Variants in ATP1A4 observed in about 807,000 individuals in gnomAD.
ATP1A4 encodes sodium/potassium-transporting ATPase subunit alpha-4.
ATP1A4 carries 90 observed loss-of-function variants against 114.3 expected under a neutral mutation model. That is an observed-to-expected ratio of 0.79 (90% confidence interval 0.66 to 0.94). The LOEUF is 0.94. Among genes scored for constraint, ATP1A4 ranks in the 40% least tolerant of loss-of-function variants. The probability of loss-of-function intolerance (pLI) is 0.00; values close to 1 mark genes in which losing one functional copy is unlikely to be tolerated. For missense variants in ATP1A4, 1,222 were observed against 1,313.6 expected, an observed-to-expected ratio of 0.93 and a Z score of 1.08; for synonymous variants, 511 against 494.1, an observed-to-expected ratio of 1.03 and a Z score of -0.45.
rs1232548841 is a variant in ATP1A4 at position 160,171,579 on chromosome 1, C to T, written c.1682-6C>T. 1 of 1,613,064 alleles carries T rather than the reference C, an allele frequency of 6.2e-7. No homozygotes were observed. Among genetic ancestry groups the T allele is most frequent in the South Asian group, 1.1e-5 (1 of 90,888 alleles). On this transcript the variant is annotated splice_region_variant and splice_polypyrimidine_tract_variant and intron_variant, in intron 11 of 21. Coordinates refer to ENST00000368081, the MANE Select transcript of ATP1A4 (RefSeq NM_144699.4). ...ACTACTGGTCCCTCCCTCTGTCTCTCTCCAGGCTTCTGCTTCTTGAATCTG... is the reference window on the plus strand; with the variant it reads ...ACTACTGGTCCCTCCCTCTGTCTCTTTCCAGGCTTCTGCTTCTTGAATCTG...
intron 10 of ATP1A4, 199 bp from the exon 11 acceptor site, chr1:160,171,052 T>C (rs1653235345): frequency 2.0e-6 from 1 of 502,010 alleles, no homozygotes; most frequent in Non-Finnish European, 3.5e-6. Flanking sequence ...CCTGTGCAAA[T>C]AATACCAGGC....
chr1:160,159,176 G>T (rs1652781079), intron 5 of ATP1A4, 40 bp downstream of exon 5: 3 of 1,600,508 alleles, frequency 1.9e-6, no homozygotes, highest in African/African-American at 2.7e-5. Flanking sequence ...ACCCAAGCGT[G>T]ATCTCATGGC....
intron 6 of ATP1A4, 104 bp from the exon 7 acceptor site, chr1:160,164,052 A>T: frequency 7.0e-7 from 1 of 1,423,840 alleles, no homozygotes; most frequent in Non-Finnish European, 9.5e-7. Flanking sequence ...CCCTATCTTT[A>T]AGGGTTTTTA....
chr1:160,175,205 TAC>T (rs1386943429), intron 15 of ATP1A4, among the ~76,000 whole-genome samples: 1 of 152,098 alleles, frequency 6.6e-6, no homozygotes. Flanking sequence ...TGAGCCCAAT[TAC>T]ACACCCTCTT....
In ATP1A4 at chr1:160,164,181, T is replaced by C. The variant is rs755963164; in HGVS notation, c.804T>C (p.Ala268=). 1.2e-6 allele frequency: 2 copies of C among 1,614,222 alleles called. No individual in the cohort carries two copies. The highest frequency in any genetic ancestry group is 1.7e-5 in the Admixed American group (1 of 60,030). The change falls in exon 7 of 22, where the codon GCT becomes GCC. Residue 268 remains alanine, a synonymous_variant. Coordinates refer to ENST00000368081, the MANE Select transcript of ATP1A4 (RefSeq NM_144699.4). ...VEGTARGIVI[A]TGDSTVMGRI... ...GAACCGCCCGGGGTATTGTGATTGC[T>C]ACGGGAGACTCCACAGTGATGGGCA...
chr1:160,175,871 G>T (rs1354491372), intron 15 of ATP1A4, among the ~76,000 whole-genome samples: 2 of 152,116 alleles, frequency 1.3e-5, no homozygotes, highest in African/African-American at 4.8e-5. Flanking sequence ...ATCAGATAAC[G>T]TTAGCTAGGG....
Position 160,176,238 on chromosome 1 carries a change from A to C in ATP1A4, c.2458A>C (p.Thr820Pro), listed in dbSNP as rs766407382. The change falls in exon 16 of 22, where the codon ACT becomes CCT. Residue 820 changes from threonine (T) to proline (P), a missense_variant. By Grantham distance (38) the Thr-to-Pro change is conservative. Coordinates refer to ENST00000368081, the MANE Select transcript of ATP1A4 (RefSeq NM_144699.4). ...TITILCIDLG[T>P]DMVPAISLAY... is the part of the protein sequence containing the mutation. ...AACCATCCTCTGCATTGATCTCGGC[A>C]CTGACATGGTAAGGGCCAAGCTGGT... 1.9e-6 allele frequency: 3 copies of C among 1,613,908 alleles called. No homozygotes were observed. Among genetic ancestry groups the C allele is most frequent in the Non-Finnish European group, 2.5e-6 (3 of 1,179,990 alleles).
rs1299781630 is a variant in ATP1A4 at position 160,159,588 on chromosome 1, A to G, written c.778+62A>G. ...CAGGCACCAAAACATAAAGATTTTA[A>G]TAACTGTCTTCTAAAGGTAGCGAGG... On this transcript the variant is annotated intron_variant, in intron 6 of 21. Transcript: ENST00000368081. The G allele has an allele frequency of 2.8e-6, 4 of 1,436,230 alleles. No individual in the cohort carries two copies. The East Asian group carries it at 6.9e-5, about 25-fold the overall frequency. 89.0% of individuals were successfully genotyped at this position (1,436,230 alleles called of 1,614,324 possible).
At chr1:160,185,502 C>T (rs527908100) in intron 20 of ATP1A4, among the ~76,000 whole-genome samples, 104 of 152,214 alleles carry the variant, frequency 6.8e-4, no homozygotes, top group African/African-American at 2.3e-3. Context: ...AGGTAGGGCT[C>T]AGGCCGGGCA....
intron 17 of ATP1A4, among the ~76,000 whole-genome samples, chr1:160,177,090 A>G (rs1228013060): frequency 6.6e-6 from 1 of 152,236 alleles, no homozygotes; most frequent in Non-Finnish European, 1.5e-5. Context: ...AGACAGAGAT[A>G]TCATTTGTGT....
rs1162880292 is a variant in ATP1A4, at chr1:160,153,150, C to CT, written c.148-14dup. 1 of 1,613,196 alleles carries CT rather than the reference C, an allele frequency of 6.2e-7. No individual in the cohort carries two copies. The highest frequency in any genetic ancestry group is 1.3e-5 in the African/African-American group (1 of 74,900). On this transcript the variant is annotated splice_polypyrimidine_tract_variant and intron_variant, in intron 1 of 21. Coordinates refer to ENST00000368081, the MANE Select transcript of ATP1A4 (RefSeq NM_144699.4). ...GGCCACCCCCTGTCCCTCAATGCCT[C>CT]TACTGTCCCCTCAGGATGATCACAA...
intron 1 of ATP1A4, 101 bp from the exon 2 acceptor site, chr1:160,153,064 A>G: frequency 2.2e-6 from 2 of 912,190 alleles, no homozygotes; most frequent in Non-Finnish European, 3.6e-6. Context: ...AAAATGGAGC[A>G]GTCTCAGTTT....
chr1:160,171,424 G>C lies in ATP1A4; in HGVS notation c.1665G>C (p.Leu555=), dbSNP rs755731268. ...FQNAYLELGG[L]GERVLGFCFL... ...ATGCCTACTTAGAACTGGGAGGTCT[G>C]GGGGAACGTGTGCTAGGTGAGGAGC... Residue 555 remains leucine, a synonymous_variant, in exon 11 of 22, where the codon CTG becomes CTC. Coordinates refer to ENST00000368081, the MANE Select transcript of ATP1A4 (RefSeq NM_144699.4). The C allele has an allele frequency of 6.2e-7, 1 of 1,612,812 alleles. No homozygotes were observed. The highest frequency in any genetic ancestry group is 8.5e-7 in the Non-Finnish European group (1 of 1,178,958).
chr1:160,176,474 T>C lies in ATP1A4; in HGVS notation c.2467-5T>C. The C allele has an allele frequency of 3.1e-6, 5 of 1,614,144 alleles. No individual in the cohort carries two copies. The highest frequency in any genetic ancestry group is 4.2e-6 in the Non-Finnish European group (5 of 1,180,024). ...CCCCTGTCATCCCCACCCTCCATCC[T>C]CCAGGTCCCTGCCATCTCCTTGGCT... On this transcript the variant is annotated splice_region_variant and splice_polypyrimidine_tract_variant and intron_variant, in intron 16 of 21. Transcript: ENST00000368081.
intron 14 of ATP1A4, 78 bp from the exon 15 acceptor site, chr1:160,174,501 G>C (rs539472814): frequency 6.4e-7 from 1 of 1,555,744 alleles, no homozygotes; most frequent in South Asian, 1.2e-5. Context: ...AAGGGATGCA[G>C]AAAGCGTACT....
intron 6 of ATP1A4, among the ~76,000 whole-genome samples, chr1:160,160,511 C>A (rs1652832487): frequency 6.6e-6 from 1 of 152,122 alleles, no homozygotes. Flanking sequence ...GCCACCATAC[C>A]CAGCCTAGAA....
At chr1:160,186,130 A>G (rs1402233932) in intron 20 of ATP1A4, 146 bp from the exon 21 acceptor site, 7 of 612,168 alleles carry the variant, frequency 1.1e-5, no homozygotes, top group Non-Finnish European at 2.1e-5. Context: ...GATCTTATTC[A>G]ACTGCACTGT....
chr1:160,156,738 TAA>T (rs1445666692), intron 4 of ATP1A4, among the ~76,000 whole-genome samples: 1 of 152,118 alleles, frequency 6.6e-6, no homozygotes, highest in Non-Finnish European at 1.5e-5. Flanking sequence ...CCCAGGAATT[TAA>T]GTCTGCAGTG....
At chr1:160,172,158 T>C (rs1653286922) in intron 12 of ATP1A4, among the ~76,000 whole-genome samples, 1 of 152,224 alleles carries the variant, frequency 6.6e-6, no homozygotes, top group African/African-American at 2.4e-5. Flanking sequence ...GAAATGCAGA[T>C]CTGGCTTCAG....
Sources: allele counts gnomAD v4.1 joint callset (sites outside exome capture counted in the v4.1 genomes callset), GRCh38; gene constraint gnomAD v4.1.1; transcripts MANE v1.5; gene names NCBI Gene and HGNC (gene_info 2026-07-23, HGNC 2026-07-21).